ASB5: variants seen among roughly 807,000 people sequenced by gnomAD.
ASB5 encodes ankyrin repeat and SOCS box protein 5.
In ASB5, 45 loss-of-function variants were observed where a neutral mutation model predicts 42.1. That is an observed-to-expected ratio of 1.07 (90% CI 0.84 to 1.37). The LOEUF is 1.37. Among genes scored for constraint, ASB5 ranks in the 40% most tolerant of loss-of-function variants. The probability of loss-of-function intolerance (pLI) is 0.00; values close to 1 mark genes in which losing one functional copy is unlikely to be tolerated. For missense variants in ASB5, 402 were observed against 399.8 expected, an observed-to-expected ratio of 1.01 and a Z score of -0.05; for synonymous variants, 147 against 150.6, an observed-to-expected ratio of 0.98 and a Z score of 0.18.
chr4:176,229,543 A>T (rs1753469302), intron 1 of ASB5, among the ~76,000 whole-genome samples: 1 of 152,192 alleles, frequency 6.6e-6, no homozygotes, highest in Admixed American at 6.5e-5. Flanking sequence ...AGCAGGCCAC[A>T]TAAGGGACAA....
intron 1 of ASB5, among the ~76,000 whole-genome samples, chr4:176,268,371 A>G (rs1164419949): frequency 1.3e-5 from 2 of 152,200 alleles, no homozygotes; most frequent in African/African-American, 4.8e-5. Context: ...CCATCAGAAA[A>G]ACACATGTCG....
chr4:176,215,370 A>C lies in ASB5; in HGVS notation c.*230T>G. 1 of 321,706 alleles carries C rather than the reference A, an allele frequency of 3.1e-6. No homozygotes were observed. The highest frequency in any genetic ancestry group is 5.5e-6 in the Non-Finnish European group (1 of 181,152). 19.9% of individuals were successfully genotyped at this position (321,706 alleles called of 1,614,324 possible). ...TTTTCCTGAATAAACAGGAGGGTATATTGAAATAACAAAAAATAGATATTA... is the reference window on the plus strand; with the variant it reads ...TTTTCCTGAATAAACAGGAGGGTATCTTGAAATAACAAAAAATAGATATTA... On this transcript the variant is annotated 3_prime_UTR_variant, in exon 7 of 7. Transcript: ENST00000296525.
chr4:176,233,802 T>C (rs555567049), intron 1 of ASB5, among the ~76,000 whole-genome samples: 6 of 152,276 alleles, frequency 3.9e-5, no homozygotes, highest in Non-Finnish European at 2.9e-5. Context: ...ATTTTAGGTT[T>C]GGCTGTTCAA....
At chr4:176,230,888 A>T (rs1410603550) in intron 1 of ASB5, among the ~76,000 whole-genome samples, 1 of 152,236 alleles carries the variant, frequency 6.6e-6, no homozygotes, top group African/African-American at 2.4e-5. Flanking sequence ...ACTTTAAAAA[A>T]TGTGTAATTT....
intron 1 of ASB5, among the ~76,000 whole-genome samples, chr4:176,252,079 A>G (rs1312243729): frequency 7.1e-5 from 3 of 42,334 alleles, no homozygotes; most frequent in African/African-American, 1.1e-4. Flanking sequence ...AAAAAAAAAA[A>G]AAAAGAAAAA....
At chr4:176,216,497 C>T (rs944243794) in intron 6 of ASB5, among the ~76,000 whole-genome samples, 14 of 152,166 alleles carry the variant, frequency 9.2e-5, no homozygotes, top group South Asian at 2.1e-4. Context: ...ATTACAGGCA[C>T]GCACCACCAT....
intron 1 of ASB5, among the ~76,000 whole-genome samples, chr4:176,276,355 G>T (rs945008040): frequency 6.6e-6 from 1 of 152,248 alleles, no homozygotes; most frequent in African/African-American, 2.4e-5. Flanking sequence ...ACTTCCAATA[G>T]TACCATACTC....
chr4:176,220,294 C>T (rs1171357503), intron 5 of ASB5, among the ~76,000 whole-genome samples: 1 of 152,112 alleles, frequency 6.6e-6, no homozygotes, highest in Non-Finnish European at 1.5e-5. Context: ...GATGTAGACC[C>T]TGCTTGCAAG....
chr4:176,239,157 T>A (rs1753758813), intron 1 of ASB5, among the ~76,000 whole-genome samples: 1 of 152,232 alleles, frequency 6.6e-6, no homozygotes, highest in Non-Finnish European at 1.5e-5. Flanking sequence ...TGAAGGGGCC[T>A]ATTCAGTCCA....
At chr4:176,260,672 T>TTTTG (rs1257567730) in intron 1 of ASB5, among the ~76,000 whole-genome samples, 4 of 152,110 alleles carry the variant, frequency 2.6e-5, no homozygotes, top group Non-Finnish European at 5.9e-5. Flanking sequence ...TGTTGTTTGT[T>TTTTG]TTTGTTTGTT....
At chr4:176,272,944 T>TA (rs1226973414), upstream of ASB5, among the ~76,000 whole-genome samples, 60 of 100,086 alleles carry the variant, frequency 6.0e-4, 1 homozygote, top group Non-Finnish European at 1.1e-3. Context: ...CGATGACCTT[T>TA]TTTTTTTTTT....
chr4:176,255,542 A>G (rs1754138856), intron 1 of ASB5, among the ~76,000 whole-genome samples: 2 of 152,220 alleles, frequency 1.3e-5, no homozygotes, highest in Admixed American at 6.5e-5. Context: ...AAAAGAACAA[A>G]ATCATGTCCT....
intron 2 of ASB5, among the ~76,000 whole-genome samples, 168 bp downstream of exon 2, chr4:176,225,094 A>G (rs1383674761): frequency 6.6e-6 from 1 of 152,222 alleles, no homozygotes; most frequent in Non-Finnish European, 1.5e-5. Context: ...ATATTTATAA[A>G]AGAAGTTTCA....
intron 2 of ASB5, among the ~76,000 whole-genome samples, chr4:176,274,896 T>C (rs1754536838): frequency 6.6e-6 from 1 of 151,506 alleles, no homozygotes; most frequent in Non-Finnish European, 1.5e-5. Context: ...TTTCCAGTAC[T>C]TCCAGCATAG....
At chr4:176,242,902 C>T (rs1340210619) in intron 1 of ASB5, among the ~76,000 whole-genome samples, 2 of 152,046 alleles carry the variant, frequency 1.3e-5, no homozygotes, top group African/African-American at 4.8e-5. Context: ...ATTACTGAGG[C>T]CAGTTATATG....
chr4:176,232,776 T>G (rs1006438706), intron 1 of ASB5, among the ~76,000 whole-genome samples: 3 of 152,208 alleles, frequency 2.0e-5, no homozygotes, highest in East Asian at 1.9e-4. Flanking sequence ...CTCTTAAGAC[T>G]AGCTATTCCT....
At chr4:176,223,921 A>T (rs1354417429) in intron 2 of ASB5, among the ~76,000 whole-genome samples, 3 of 152,040 alleles carry the variant, frequency 2.0e-5, no homozygotes, top group African/African-American at 7.2e-5. Context: ...GAATTTGTTG[A>T]CCCCTTTTTA....
At chr4:176,249,163 C>T (rs975077493) in intron 1 of ASB5, among the ~76,000 whole-genome samples, 6 of 152,246 alleles carry the variant, frequency 3.9e-5, no homozygotes, top group Admixed American at 2.6e-4. Context: ...GACAGGGTTT[C>T]GCCATCTTGG....
chr4:176,259,152 C>A (rs563052376), intron 1 of ASB5, among the ~76,000 whole-genome samples: 1 of 152,120 alleles, frequency 6.6e-6, no homozygotes, highest in South Asian at 2.1e-4. Flanking sequence ...TCTTTTAGTT[C>A]TTGGAGTTAC....
Sources: gnomAD v4.1 joint callset for allele counts (sites outside exome capture counted in the v4.1 genomes callset) on GRCh38, gnomAD v4.1.1 for gene constraint, MANE v1.5 for transcripts, NCBI Gene and HGNC (gene_info 2026-07-23, HGNC 2026-07-21) for gene names.